The following FBXL7 variants were observed in gnomAD, a reference collection of about 807,000 sequenced individuals.
FBXL7 encodes the protein F-box and leucine rich repeat protein 7, also known as F-box/LRR-repeat protein 7.
FBXL7 carries 12 observed loss-of-function variants against 38.3 expected under a neutral mutation model. The ratio of observed to expected loss-of-function variants is 0.31; its 90% CI spans 0.20 to 0.51. FBXL7 has a LOEUF of 0.51. FBXL7 is among the 20% of genes least tolerant of loss of function. The pLI, the probability that FBXL7 is intolerant of heterozygous loss-of-function variation, is 0.98. For missense variants in FBXL7, 567 were observed against 676.4 expected (o/e 0.84, Z 1.79); for synonymous variants, 297 against 300.9 (o/e 0.99, Z 0.13).
At chr5:15,739,839 T>G (rs983819965) in intron 2 of FBXL7, among the ~76,000 whole-genome samples, 4 of 152,228 alleles carry the variant, frequency 2.6e-5, no homozygotes, top group African/African-American at 9.7e-5. Context: ...TACGAACATT[T>G]GTGTACAAGT....
chr5:15,773,517 T>G (rs1211341190), intron 2 of FBXL7, among the ~76,000 whole-genome samples: 1 of 151,844 alleles, frequency 6.6e-6, no homozygotes, highest in Non-Finnish European at 1.5e-5. Flanking sequence ...CATGGTGTTG[T>G]GTGCATATGG....
At chr5:15,826,043 T>A (rs1451455392) in intron 2 of FBXL7, among the ~76,000 whole-genome samples, 2 of 152,168 alleles carry the variant, frequency 1.3e-5, no homozygotes, top group African/African-American at 4.8e-5. Context: ...AGTTGGAAGT[T>A]TGAGGACACA....
intron 1 of FBXL7, among the ~76,000 whole-genome samples, chr5:15,572,341 C>G (rs976033909): frequency 6.7e-6 from 1 of 148,574 alleles, no homozygotes; most frequent in African/African-American, 2.5e-5. Flanking sequence ...ATAAATCATG[C>G]TCAGGTATGG....
At chr5:15,695,226 G>C (rs1034649278) in intron 2 of FBXL7, among the ~76,000 whole-genome samples, 1 of 152,004 alleles carries the variant, frequency 6.6e-6, no homozygotes, top group African/African-American at 2.4e-5. Context: ...TCTTCAGCTT[G>C]TGCAGTTCTA....
intron 2 of FBXL7, among the ~76,000 whole-genome samples, chr5:15,781,318 A>G (rs1467549616): frequency 1.3e-5 from 2 of 152,128 alleles, no homozygotes; most frequent in Admixed American, 1.3e-4. Context: ...GGTACACCAC[A>G]GTTTTATTTA....
chr5:15,779,090 A>T (rs1579455540), intron 2 of FBXL7, among the ~76,000 whole-genome samples: 2 of 152,126 alleles, frequency 1.3e-5, no homozygotes, highest in East Asian at 3.9e-4. Flanking sequence ...TCTTGAGCAG[A>T]GTAGACAAGC....
At chr5:15,503,415 C>T (rs1038278814) in intron 1 of FBXL7, among the ~76,000 whole-genome samples, 2 of 152,108 alleles carry the variant, frequency 1.3e-5, no homozygotes, top group Non-Finnish European at 2.9e-5. Flanking sequence ...GACAAGACTC[C>T]GTGTCAAAAA....
intron 2 of FBXL7, among the ~76,000 whole-genome samples, chr5:15,643,118 T>G (rs1377172306): frequency 6.6e-6 from 1 of 152,186 alleles, no homozygotes; most frequent in African/African-American, 2.4e-5. Context: ...TTATGAACCA[T>G]GCAAAGACAG....
intron 2 of FBXL7, among the ~76,000 whole-genome samples, chr5:15,653,207 G>A (rs1230547777): frequency 2.0e-5 from 3 of 152,122 alleles, no homozygotes; most frequent in Non-Finnish European, 2.9e-5. Flanking sequence ...TGAGAATTAT[G>A]AAAATATAAG....
At chr5:15,819,049 G>C (rs1356603709) in intron 2 of FBXL7, among the ~76,000 whole-genome samples, 1 of 152,120 alleles carries the variant, frequency 6.6e-6, no homozygotes. Context: ...AAGCCAATTA[G>C]CTAAGGAAAG....
At chr5:15,916,059 T>C (rs1478450579) in intron 2 of FBXL7, among the ~76,000 whole-genome samples, 1 of 152,166 alleles carries the variant, frequency 6.6e-6, no homozygotes, top group Non-Finnish European at 1.5e-5. Flanking sequence ...GGCGGAACTT[T>C]TGTTTTGCAA....
rs533093284 is a variant in FBXL7, at chr5:15,560,263, T to G, written c.38-55720T>G. Among the ~76,000 whole-genome samples, 131 of 152,338 alleles carry G rather than the reference T, an allele frequency of 8.6e-4. 1 individual carries two copies. The highest frequency in any genetic ancestry group is 2.6e-3 in the African/African-American group (109 of 41,578). Reference sequence around the variant, plus strand: ...TTGTCTGTGCTGATTCCTCTTGACCTTACTGATTCTGCTTAAGTAGGGTGA... The same window carrying G: ...TTGTCTGTGCTGATTCCTCTTGACCGTACTGATTCTGCTTAAGTAGGGTGA... On this transcript the variant is annotated intron_variant, in intron 1 of 3. Coordinates refer to ENST00000504595, the MANE Select transcript of FBXL7 (RefSeq NM_012304.5).
chr5:15,504,655 G>A lies in FBXL7; in HGVS notation c.37+3942G>A, dbSNP rs551327477. Among the ~76,000 whole-genome samples, 10 of 152,252 alleles carry A rather than the reference G, an allele frequency of 6.6e-5. No homozygotes were observed. The East Asian group carries it at 1.9e-3, about 29-fold the overall frequency. On this transcript the variant is annotated intron_variant, in intron 1 of 3. Coordinates refer to ENST00000504595, the MANE Select transcript of FBXL7 (RefSeq NM_012304.5). ...ATATCTACGTGATTAGTATGGTCTG[G>A]TAAATTCTTTTATGGAGGAATTTTT...
intron 2 of FBXL7, among the ~76,000 whole-genome samples, chr5:15,815,771 T>C (rs894861126): frequency 6.6e-6 from 1 of 152,200 alleles, no homozygotes; most frequent in Non-Finnish European, 1.5e-5. Flanking sequence ...CTAAATCAAA[T>C]GGCTAGATGC....
chr5:15,690,872 T>G (rs1224935875), intron 2 of FBXL7, among the ~76,000 whole-genome samples: 1 of 152,170 alleles, frequency 6.6e-6, no homozygotes, highest in Admixed American at 6.5e-5. Flanking sequence ...GGGAGTTCAG[T>G]ACTGCTGTAA....
intron 2 of FBXL7, among the ~76,000 whole-genome samples, chr5:15,744,405 G>T (rs1358488729): frequency 2.0e-5 from 3 of 152,234 alleles, no homozygotes; most frequent in African/African-American, 7.2e-5. Flanking sequence ...TTCCCAACAA[G>T]TTTCCCATCT....
intron 2 of FBXL7, among the ~76,000 whole-genome samples, chr5:15,788,563 C>T (rs1579462984): frequency 6.6e-6 from 1 of 152,166 alleles, no homozygotes; most frequent in Non-Finnish European, 1.5e-5. Context: ...CTCAGCCTGC[C>T]TCCACCTCCT....
rs754975686 is a variant in FBXL7 at position 15,631,667 on chromosome 5, CAAAAAAAA to C, written c.127+15616_127+15623del. ...AGCCTGGGCAACAAGAGCGAGACTC[CAAAAAAAA>C]AAAAAAAAAAAAAAAAAAAAGGAAG... On this transcript the variant is annotated intron_variant, in intron 2 of 3. Transcript: ENST00000504595. Among the ~76,000 whole-genome samples the C allele has an allele frequency of 9.1e-3, 400 of 43,904 alleles. 2 individuals are homozygous for C. The highest frequency in any genetic ancestry group is 0.033 in the African/African-American group (375 of 11,366). 28.8% of individuals were successfully genotyped at this position (43,904 alleles called of 152,430 possible). A position where few individuals can be genotyped will look rare whatever the true frequency, so the allele number is the denominator to read the frequency against.
chr5:15,604,167 CA>C (rs1561047236), intron 1 of FBXL7, among the ~76,000 whole-genome samples: 1 of 151,804 alleles, frequency 6.6e-6, no homozygotes, highest in Non-Finnish European at 1.5e-5. Flanking sequence ...ACTCTGTCTC[CA>C]AAAAAATAAA....
Sources: gnomAD v4.1 joint callset for allele counts (sites outside exome capture counted in the v4.1 genomes callset) on GRCh38, gnomAD v4.1.1 for gene constraint, MANE v1.5 for transcripts, NCBI Gene and HGNC (gene_info 2026-07-23, HGNC 2026-07-21) for gene names.